Variants in GRHL1 observed in about 807,000 individuals in gnomAD.
The protein encoded by GRHL1 is grainyhead like transcription factor 1.
A neutral mutation model predicts 75.7 loss-of-function variants in GRHL1; 38 were observed. The observed-to-expected ratio is 0.50, with a 90% CI of 0.39 to 0.66. GRHL1 has a LOEUF of 0.66. GRHL1 is among the 30% of genes least tolerant of loss of function. The pLI is 0.00. For synonymous variants in GRHL1, 266 were observed against 279.4 expected, an observed-to-expected ratio of 0.95 and a Z score of 0.48; for missense variants, 589 against 767.5, an observed-to-expected ratio of 0.77 and a Z score of 2.75.
At chr2:9,965,258 T>G (rs777073791) in intron 7 of GRHL1, 29 bp from the exon 8 acceptor site, 2 of 1,278,772 alleles carry the variant, frequency 1.6e-6, no homozygotes, top group Non-Finnish European at 2.3e-6. Flanking sequence ...CTCATGAGTT[T>G]TCATTTTCTC....
At position 9,996,327 on chromosome 2, in the gene GRHL1, G is replaced by A. The variant is rs200870326; in HGVS notation, c.1603G>A (p.Val535Ile). The A allele has an allele frequency of 7.5e-6, 12 of 1,610,698 alleles. No individual in the cohort carries two copies. The East Asian group carries it at 8.9e-5, about 12-fold the overall frequency. The change falls in exon 14 of 16, where the codon GTT (valine) becomes ATT (isoleucine). Residue 535 changes from valine to isoleucine, a missense_variant. This residue lies in a region of GRHL1 where 192 missense variants were observed against 226.6 expected (regional missense o/e 0.85). Transcript: ENST00000324907. ...IEEPKRVLLYVRKESEEVFDA... is the reference protein window; with the variant it reads ...IEEPKRVLLYIRKESEEVFDA... ...TGGGGATTGATTAGTGCTGCTCTAC[G>A]TTCGAAAGGAGTCAGAAGAAGTCTT...
At position 9,992,205 on chromosome 2, in the gene GRHL1, T is replaced by G; in HGVS notation, c.1461+59T>G. The G allele has an allele frequency of 6.5e-7, 1 of 1,540,112 alleles. No homozygotes were observed. The highest frequency in any genetic ancestry group is 8.9e-7 in the Non-Finnish European group (1 of 1,125,230). ...GAAGGAAGGCATGGCAAAAGGAAAT[T>G]CTTTGGCATTATTCATGGGAAACAG... On this transcript the variant is annotated intron_variant, in intron 11 of 15. Coordinates refer to ENST00000324907, the MANE Select transcript of GRHL1 (RefSeq NM_198182.3). This position sits in a 1 kb window ranked among gnomAD's most constrained non-coding sequence, Gnocchi z 4.6.
Position 9,987,391 on chromosome 2 carries a change from T to C in GRHL1, c.1269+1109T>C, listed in dbSNP as rs1287376558. On this transcript the variant is annotated intron_variant, in intron 9 of 15. Coordinates refer to ENST00000324907, the MANE Select transcript of GRHL1 (RefSeq NM_198182.3). The surrounding 1 kb of genome is among the most constrained non-coding windows in gnomAD (Gnocchi z 4.2). ...ATAAGTACGTTTTGTTGGGCATGTC[T>C]GATAAGTAAAGGAGGTGCACACAGG... Among the ~76,000 whole-genome samples, 2 of 152,200 alleles carry C rather than the reference T, an allele frequency of 1.3e-5. No homozygotes were observed. The highest frequency in any genetic ancestry group is 2.9e-5 in the Non-Finnish European group (2 of 68,028).
rs1334330645 is a variant in GRHL1, at chr2:9,990,817, T to G, written c.1321+70T>G. On this transcript the variant is annotated intron_variant, in intron 10 of 15. Transcript: ENST00000324907. The surrounding 1 kb of genome is among the most constrained non-coding windows in gnomAD (Gnocchi z 4.2). The stretch of plus-strand genomic sequence containing the variant: ...AAATGTTCCCGGCAAGCTTCAGACC[T>G]TTTCCATTGAGAATGGTGGCTGGAG... 8.0e-7 allele frequency: 1 copy of G among 1,255,938 alleles called. No homozygotes were observed. The highest frequency in any genetic ancestry group is 1.1e-6 in the Non-Finnish European group (1 of 871,860). 77.8% of individuals were successfully genotyped at this position (1,255,938 alleles called of 1,614,324 possible).
chr2:9,973,927 A>G (rs775315358), intron 8 of GRHL1, among the ~76,000 whole-genome samples: 10 of 152,234 alleles, frequency 6.6e-5, no homozygotes, highest in Non-Finnish European at 1.5e-4. Context: ...TCAAACAGGA[A>G]GTTTGGAACA....
rs1472343177 is a variant in GRHL1 at position 9,986,709 on chromosome 2, C to T, written c.1269+427C>T. 4.0e-5 allele frequency among the ~76,000 whole-genome samples: 6 copies of T among 151,520 alleles called. 1 individual carries two copies. Among genetic ancestry groups the T allele is most frequent in the East Asian group, 2.0e-4 (1 of 5,120 alleles). On this transcript the variant is annotated intron_variant, in intron 9 of 15. Coordinates refer to ENST00000324907, the MANE Select transcript of GRHL1 (RefSeq NM_198182.3). The stretch of plus-strand genomic sequence containing the variant: ...CTAGGATTACAGGTGTGAGCCACCG[C>T]GCCCAGCCTTTATCAGAGATGAGGT...
intron 2 of GRHL1, among the ~76,000 whole-genome samples, chr2:9,955,327 C>G (rs1247592117): frequency 1.3e-5 from 2 of 152,224 alleles, no homozygotes; most frequent in East Asian, 1.9e-4. Context: ...TGCTGTGGCT[C>G]TATCCAGAAG....
At chr2:9,988,288 T>A (rs1026812209) in intron 9 of GRHL1, among the ~76,000 whole-genome samples, 4 of 152,294 alleles carry the variant, frequency 2.6e-5, no homozygotes, top group Middle Eastern at 3.4e-3. Flanking sequence ...CTGAGCAGGA[T>A]TTTTCTGAAT....
chr2:9,996,162 CAG>C (rs1242296574), intron 13 of GRHL1, among the ~76,000 whole-genome samples, 152 bp from the exon 14 acceptor site: 1 of 152,236 alleles, frequency 6.6e-6, no homozygotes, highest in Non-Finnish European at 1.5e-5. Context: ...TTCCTTAAGA[CAG>C]AATTGATATT....
chr2:9,951,744 G>A lies in GRHL1; in HGVS notation c.-90G>A, dbSNP rs1054481612. The stretch of plus-strand genomic sequence containing the variant: ...TCGGGGCCGCCGCTCCGGACCCGCA[G>A]CCGCCGCCGCCGCCTCCTCCCCCCG... On this transcript the variant is annotated 5_prime_UTR_variant, in exon 1 of 16. Coordinates refer to ENST00000324907, the MANE Select transcript of GRHL1 (RefSeq NM_198182.3). This position sits in a 1 kb window ranked among gnomAD's most constrained non-coding sequence, Gnocchi z 4.2. The A allele has an allele frequency of 1.7e-6, 2 of 1,177,568 alleles. No individual in the cohort carries two copies. The highest frequency in any genetic ancestry group is 1.4e-5 in the South Asian group (1 of 70,534). 72.9% of individuals were successfully genotyped at this position (1,177,568 alleles called of 1,614,324 possible).
chr2:9,970,817 G>C (rs1163120833), intron 8 of GRHL1, among the ~76,000 whole-genome samples: 1 of 152,236 alleles, frequency 6.6e-6, no homozygotes, highest in Non-Finnish European at 1.5e-5. Flanking sequence ...TTGTCCTTTA[G>C]AGCCAAATGG....
chr2:9,990,586 C>T lies in GRHL1; in HGVS notation c.1270-110C>T. On this transcript the variant is annotated intron_variant, in intron 9 of 15. Transcript: ENST00000324907. This position sits in a 1 kb window ranked among gnomAD's most constrained non-coding sequence, Gnocchi z 4.2. Reference sequence around the variant, plus strand: ...ATGAATATAGTAAGTAATGGGGTTCCTGTCCAGAGAAGGGAGAAAGGCTTC... The same window carrying T: ...ATGAATATAGTAAGTAATGGGGTTCTTGTCCAGAGAAGGGAGAAAGGCTTC... 1 of 540,638 alleles carries T rather than the reference C, an allele frequency of 1.8e-6. No homozygotes were observed. The highest frequency in any genetic ancestry group is 3.3e-6 in the Non-Finnish European group (1 of 303,960). 33.5% of individuals were successfully genotyped at this position (540,638 alleles called of 1,614,324 possible).
At chr2:9,965,508 A>C in intron 8 of GRHL1, 127 bp downstream of exon 8, 1 of 611,898 alleles carries the variant, frequency 1.6e-6, no homozygotes, top group South Asian at 2.0e-5. Flanking sequence ...TTATGAAACT[A>C]TCCTCTTCCC....
chr2:9,958,076 T>C (rs1667108834), intron 2 of GRHL1, among the ~76,000 whole-genome samples: 1 of 152,194 alleles, frequency 6.6e-6, no homozygotes, highest in African/African-American at 2.4e-5. Flanking sequence ...GAAAGAGCAC[T>C]GAGAAAGTTG....
chr2:9,974,745 A>G (rs1467690545), intron 8 of GRHL1, among the ~76,000 whole-genome samples: 1 of 152,264 alleles, frequency 6.6e-6, no homozygotes, highest in Non-Finnish European at 1.5e-5. Flanking sequence ...TTAGGAAGTC[A>G]TGTTGCAGGG....
chr2:9,983,384 A>T (rs183446857), intron 8 of GRHL1, among the ~76,000 whole-genome samples: 2 of 152,192 alleles, frequency 1.3e-5, no homozygotes, highest in East Asian at 3.9e-4. Flanking sequence ...GTTTGGGAAG[A>T]ATTGATTTTT....
At chr2:9,994,830 C>T (rs576102044) in intron 12 of GRHL1, among the ~76,000 whole-genome samples, 1 of 152,224 alleles carries the variant, frequency 6.6e-6, no homozygotes, top group East Asian at 1.9e-4. Flanking sequence ...GGCGTTCGTT[C>T]GATCTGAGTT....
chr2:9,958,287 T>C (rs1346299736), intron 2 of GRHL1, among the ~76,000 whole-genome samples: 2 of 151,636 alleles, frequency 1.3e-5, no homozygotes, highest in Admixed American at 1.3e-4. Context: ...AGCGATCTTC[T>C]CACCGCAGTC....
chr2:9,961,629 A>G (rs1667278709), intron 4 of GRHL1, among the ~76,000 whole-genome samples, 193 bp downstream of exon 4: 1 of 152,186 alleles, frequency 6.6e-6, no homozygotes, highest in Admixed American at 6.5e-5. Context: ...AGTTATTATC[A>G]AGGATGCAAG....
Sources: allele counts gnomAD v4.1 joint callset (sites outside exome capture counted in the v4.1 genomes callset), GRCh38; gene constraint gnomAD v4.1.1; regional missense constraint gnomAD v4.1.1; non-coding constraint Gnocchi (gnomAD v3.1); transcripts MANE v1.5; gene names NCBI Gene and HGNC (gene_info 2026-07-23, HGNC 2026-07-21).